NBAS: variants seen among roughly 807,000 people sequenced by gnomAD.
The protein encoded by NBAS is NAG/BC035112 fusion.
In NBAS, 219 loss-of-function variants were observed where a neutral mutation model predicts 302.5. The ratio of observed to expected loss-of-function variants is 0.72; its 90% CI spans 0.65 to 0.81. NBAS has a LOEUF of 0.81. NBAS is among the 30% of genes least tolerant of loss of function. The pLI is 0.00. For synonymous variants in NBAS, 1,118 were observed against 1,021.6 expected (o/e 1.09, Z -1.80); for missense variants, 2,932 against 2,841.6 (o/e 1.03, Z -0.72).
chr2:15,524,263 T>C lies in NBAS; in HGVS notation c.746+10280A>G, dbSNP rs186468814. 7.5e-4 allele frequency among the ~76,000 whole-genome samples: 114 copies of C among 152,232 alleles called. 1 individual carries two copies. The highest frequency in any genetic ancestry group is 6.8e-3 in the Middle Eastern group (2 of 294). On this transcript the variant is annotated intron_variant, in intron 9 of 51. Coordinates refer to ENST00000281513, the MANE Select transcript of NBAS (RefSeq NM_015909.4). Reference sequence around the variant, plus strand: ...ACGTGGTGAATGGAAAAAGATAAAATAATACCAGAAATGGAGTGACTTCCT... The same window carrying C: ...ACGTGGTGAATGGAAAAAGATAAAACAATACCAGAAATGGAGTGACTTCCT...
At chr2:15,240,446 CA>C (rs1175235771) in intron 44 of NBAS, among the ~76,000 whole-genome samples, 6,572 of 75,376 alleles carry the variant, frequency 0.087, 218 homozygotes, top group South Asian at 0.25. Flanking sequence ...ACTAAAAATA[CA>C]AAAAAAAAAA....
the NBAS span, among the ~76,000 whole-genome samples, chr2:14,966,100 C>T: frequency 2.0e-5 from 3 of 152,162 alleles, no homozygotes; most frequent in Non-Finnish European, 4.4e-5. Flanking sequence ...GGGTTGCTGG[C>T]AACCACAGCA....
the NBAS span, among the ~76,000 whole-genome samples, chr2:14,795,325 A>G: frequency 2.0e-5 from 3 of 152,186 alleles, no homozygotes; most frequent in Admixed American, 1.3e-4. Flanking sequence ...CGGTGACTTT[A>G]ATTTGCATTT....
chr2:15,441,155 A>T (rs1249089655), intron 21 of NBAS, among the ~76,000 whole-genome samples: 1 of 152,216 alleles, frequency 6.6e-6, no homozygotes, highest in Non-Finnish European at 1.5e-5. Flanking sequence ...AATACAGAGA[A>T]TGCCACAAAG....
chr2:15,427,714 C>G lies in NBAS; in HGVS notation c.2420G>C (p.Cys807Ser), dbSNP rs779980998. The change falls in exon 22 of 52, where the codon TGC becomes TCC. Residue 807 changes from cysteine to serine, a missense_variant. By Grantham distance (112) the Cys-to-Ser change is moderately radical. Transcript: ENST00000281513. ...RAKDWCEELA[C>S]RMVVEPNLQD... ...CCTCCTGCAGGCTCATACTGACCTG[C>G]AAGCCAACTCCTCGCACCAATCTTT... 1 of 1,610,602 alleles carries G rather than the reference C, an allele frequency of 6.2e-7. No homozygotes were observed. Among genetic ancestry groups the G allele is most frequent in the Non-Finnish European group, 8.5e-7 (1 of 1,178,054 alleles).
At chr2:14,994,561 G>C in the NBAS span, among the ~76,000 whole-genome samples, 9 of 152,128 alleles carry the variant, frequency 5.9e-5, no homozygotes, top group Non-Finnish European at 1.3e-4. Context: ...TGTGGCTGAC[G>C]CTCCTCGATT....
the NBAS span, among the ~76,000 whole-genome samples, chr2:15,098,590 A>ATGT: frequency 2.4e-3 from 277 of 115,716 alleles, 4 homozygotes; most frequent in African/African-American, 5.5e-3. Context: ...ATTATATATT[A>ATGT]TATATATTAT....
chr2:14,890,795 C>G, the NBAS span: 1 of 162,282 alleles, frequency 6.2e-6, no homozygotes, highest in Non-Finnish European at 1.3e-5. Context: ...TGCACTCCAG[C>G]CTGGGGAACA....
chr2:15,066,959 T>G, the NBAS span, among the ~76,000 whole-genome samples: 1 of 152,006 alleles, frequency 6.6e-6, no homozygotes, highest in Non-Finnish European at 1.5e-5. Context: ...AACCTAAGTG[T>G]CCATCAACAG....
At chr2:14,842,450 G>T in the NBAS span, among the ~76,000 whole-genome samples, 2 of 151,658 alleles carry the variant, frequency 1.3e-5, no homozygotes, top group African/African-American at 4.8e-5. Context: ...TGAGAGTGAA[G>T]ATCCTAATAA....
At chr2:15,558,851 T>G (rs189727310) in intron 1 of NBAS, among the ~76,000 whole-genome samples, 1 of 152,048 alleles carries the variant, frequency 6.6e-6, no homozygotes, top group South Asian at 2.1e-4. Context: ...GGCTGACTGC[T>G]TGAGCCCAGG....
the NBAS span, among the ~76,000 whole-genome samples, chr2:14,888,049 TCTTTTC>T: frequency 6.6e-6 from 1 of 152,180 alleles, no homozygotes; most frequent in African/African-American, 2.4e-5. Flanking sequence ...AGACAAGTGA[TCTTTTC>T]AGGATGGTTA....
the NBAS span, among the ~76,000 whole-genome samples, chr2:15,008,703 T>C: frequency 6.6e-6 from 1 of 152,172 alleles, no homozygotes; most frequent in Non-Finnish European, 1.5e-5. Flanking sequence ...ATTTAAAAAA[T>C]AGGTGAAATC....
chr2:15,187,694 T>G (rs956763089), intron 49 of NBAS, among the ~76,000 whole-genome samples: 10 of 152,188 alleles, frequency 6.6e-5, no homozygotes, highest in African/African-American at 1.9e-4. Context: ...AGGGTACTGA[T>G]TTTACTTACA....
the NBAS span, among the ~76,000 whole-genome samples, chr2:15,052,253 G>A: frequency 1.3e-5 from 2 of 152,152 alleles, no homozygotes; most frequent in East Asian, 3.9e-4. Flanking sequence ...TCTTTTCAGT[G>A]GGACATTTAT....
intron 6 of NBAS, among the ~76,000 whole-genome samples, chr2:15,545,727 A>G (rs1664076868): frequency 1.3e-5 from 2 of 152,386 alleles, no homozygotes; most frequent in South Asian, 4.1e-4. Context: ...AGGAAGAAAT[A>G]ATTCAATTCT....
chr2:15,330,231 C>CA (rs2148231449), intron 36 of NBAS, among the ~76,000 whole-genome samples: 1 of 152,330 alleles, frequency 6.6e-6, no homozygotes, highest in East Asian at 1.9e-4. Flanking sequence ...AGAATCTGTT[C>CA]AACTGTTCTC....
chr2:14,934,288 T>C, the NBAS span, among the ~76,000 whole-genome samples: 2 of 152,192 alleles, frequency 1.3e-5, no homozygotes, highest in African/African-American at 4.8e-5. Context: ...ATTTTTTCCA[T>C]TGTCAATTTT....
the NBAS span, among the ~76,000 whole-genome samples, chr2:14,846,390 AT>A: frequency 6.6e-6 from 1 of 151,474 alleles, no homozygotes; most frequent in South Asian, 2.1e-4. Flanking sequence ...AAGCTGAGGG[AT>A]TTCATCAGAC....
Sources: gnomAD v4.1 joint callset for allele counts (sites outside exome capture counted in the v4.1 genomes callset) on GRCh38, gnomAD v4.1.1 for gene constraint, MANE v1.5 for transcripts, NCBI Gene and HGNC (gene_info 2026-07-23, HGNC 2026-07-21) for gene names.